Variants in VIT observed in about 807,000 individuals in gnomAD.
VIT encodes vitrin.
In VIT, 99 loss-of-function variants were observed where a neutral mutation model predicts 78.0. That is an observed-to-expected ratio of 1.27 (90% confidence interval 1.08 to 1.50). The LOEUF is 1.50. Among genes scored for constraint, VIT ranks in the 40% most tolerant of loss-of-function variants. The pLI is 0.00. For synonymous variants in VIT, 374 were observed against 334.3 expected (o/e 1.12, Z -1.29); for missense variants, 1,126 against 875.3 (o/e 1.29, Z -3.61).
intron 3 of VIT, among the ~76,000 whole-genome samples, chr2:36,735,342 C>G (rs1296503467): frequency 6.6e-6 from 1 of 152,168 alleles, no homozygotes; most frequent in African/African-American, 2.4e-5. Flanking sequence ...GTATTGGATA[C>G]AATTTTATCC....
chr2:36,791,782 A>G (rs550416778), intron 12 of VIT, among the ~76,000 whole-genome samples: 6 of 152,356 alleles, frequency 3.9e-5, no homozygotes, highest in Admixed American at 6.5e-5. Context: ...GGTTTCAGCC[A>G]TGGAGACCCA....
intron 1 of VIT, 56 bp from the exon 2 acceptor site, chr2:36,716,297 T>A (rs1666130676): frequency 1.4e-6 from 2 of 1,477,786 alleles, no homozygotes; most frequent in East Asian, 4.5e-5. Context: ...ACTCTGTGCA[T>A]CCAAATCAGA....
At chr2:36,743,026 G>A (rs1466680390) in intron 3 of VIT, 74 bp from the exon 4 acceptor site, 4 of 1,576,340 alleles carry the variant, frequency 2.5e-6, no homozygotes, top group South Asian at 1.2e-5. Flanking sequence ...GTCAATAGTT[G>A]AGACCTAACA....
chr2:36,779,614 TC>T (rs1447076705), intron 9 of VIT, among the ~76,000 whole-genome samples: 1 of 152,110 alleles, frequency 6.6e-6, no homozygotes, highest in Non-Finnish European at 1.5e-5. Context: ...CCTGATGCTC[TC>T]CCTCCTCCCA....
At chr2:36,757,192 C>T (rs774504229) in intron 5 of VIT, among the ~76,000 whole-genome samples, 1 of 152,146 alleles carries the variant, frequency 6.6e-6, no homozygotes, top group South Asian at 2.1e-4. Context: ...GCATGATGTC[C>T]GAATCCTCTT....
intron 4 of VIT, among the ~76,000 whole-genome samples, chr2:36,748,740 A>G (rs752747294): frequency 5.3e-5 from 8 of 152,228 alleles, no homozygotes; most frequent in Non-Finnish European, 1.2e-4. Flanking sequence ...GGTCCTGTTC[A>G]GGACTGAGCT....
chr2:36,714,940 A>C (rs1666031346), intron 1 of VIT, among the ~76,000 whole-genome samples: 1 of 152,160 alleles, frequency 6.6e-6, no homozygotes, highest in Non-Finnish European at 1.5e-5. Context: ...AAAGATGAGA[A>C]ACTCCCTTAT....
At chr2:36,804,882 T>C (rs1666593355) in intron 13 of VIT, among the ~76,000 whole-genome samples, 1 of 151,986 alleles carries the variant, frequency 6.6e-6, no homozygotes, top group African/African-American at 2.4e-5. Flanking sequence ...AAAACTTTCT[T>C]CAAAGCGGAG....
Position 36,758,985 on chromosome 2 carries a change from G to A in VIT, c.426G>A (p.Lys142=). Residue 142 remains lysine (K), a synonymous_variant, in exon 6 of 16, where the codon AAG becomes AAA. Coordinates refer to ENST00000379242, the MANE Select transcript of VIT (RefSeq NM_053276.4). ...TTTTTGCAGAAAGTAAACCCAAAAA[G>A]GGTGTAACCTACCCATCAGCTCTTA... The part of the protein sequence containing the change: ...SFIVLESKPK[K]GVTYPSALTY... The A allele has an allele frequency of 1.9e-6, 3 of 1,613,648 alleles. No individual in the cohort carries two copies. The highest frequency in any genetic ancestry group is 2.5e-6 in the Non-Finnish European group (3 of 1,179,912).
At chr2:36,704,220 C>T (rs902043681) in intron 1 of VIT, among the ~76,000 whole-genome samples, 6 of 152,024 alleles carry the variant, frequency 3.9e-5, no homozygotes, top group African/African-American at 1.4e-4. Context: ...GCCACCACTC[C>T]TGGCCAGATT....
At chr2:36,738,649 G>T (rs1667652338) in intron 3 of VIT, among the ~76,000 whole-genome samples, 2 of 152,152 alleles carry the variant, frequency 1.3e-5, no homozygotes, top group African/African-American at 4.8e-5. Flanking sequence ...GAATGAAGAT[G>T]TTAACTGGAA....
chr2:36,790,563 C>T (rs1019629481), intron 12 of VIT, among the ~76,000 whole-genome samples: 3 of 152,206 alleles, frequency 2.0e-5, no homozygotes, highest in African/African-American at 2.4e-5. Flanking sequence ...ACTCATCACA[C>T]GCCTCCAGGA....
chr2:36,806,703 C>A (rs1401651155), intron 14 of VIT, among the ~76,000 whole-genome samples: 1 of 152,106 alleles, frequency 6.6e-6, no homozygotes, highest in Non-Finnish European at 1.5e-5. Context: ...CACACCACCA[C>A]GCCCAGCTAG....
chr2:36,780,756 A>G (rs1664694069), intron 9 of VIT, among the ~76,000 whole-genome samples: 1 of 152,188 alleles, frequency 6.6e-6, no homozygotes, highest in Non-Finnish European at 1.5e-5. Context: ...AGCCTTTAAG[A>G]AATAAAACAG....
intron 9 of VIT, among the ~76,000 whole-genome samples, chr2:36,777,067 C>T (rs942242664): frequency 1.5e-3 from 135 of 89,798 alleles, no homozygotes; most frequent in African/African-American, 3.5e-3. Context: ...CCAGCCTGGG[C>T]GACAGAGCGA....
intron 12 of VIT, among the ~76,000 whole-genome samples, chr2:36,793,092 T>C (rs970968243): frequency 6.6e-6 from 1 of 152,080 alleles, no homozygotes. Flanking sequence ...CTTGGGAAGC[T>C]CTGTTGCCAA....
chr2:36,737,320 A>G (rs1053631794), intron 3 of VIT, among the ~76,000 whole-genome samples: 3 of 152,184 alleles, frequency 2.0e-5, no homozygotes, highest in African/African-American at 7.2e-5. Context: ...TGGAAGGTGG[A>G]TTAGGACCCA....
At chr2:36,766,380 A>T (rs1019325432) in intron 6 of VIT, among the ~76,000 whole-genome samples, 35 of 152,256 alleles carry the variant, frequency 2.3e-4, no homozygotes, top group African/African-American at 7.0e-4. Flanking sequence ...AAAAAATTTT[A>T]AATTAGGCAG....
intron 12 of VIT, among the ~76,000 whole-genome samples, chr2:36,794,138 C>G (rs1268983002): frequency 6.6e-6 from 1 of 152,150 alleles, no homozygotes; most frequent in South Asian, 2.1e-4. Context: ...CTTCTTAAAC[C>G]CTTGCAGCGT....
Sources: gnomAD v4.1 joint callset for allele counts (sites outside exome capture counted in the v4.1 genomes callset) on GRCh38, gnomAD v4.1.1 for gene constraint, MANE v1.5 for transcripts, NCBI Gene and HGNC (gene_info 2026-07-23, HGNC 2026-07-21) for gene names.